Variants in CC2D2A observed in about 807,000 individuals in gnomAD.
The protein encoded by CC2D2A is coiled-coil and C2 domain-containing protein 2A.
In CC2D2A, 155 loss-of-function variants were observed where a neutral mutation model predicts 212.9. The ratio of observed to expected loss-of-function variants is 0.73; its 90% CI spans 0.64 to 0.83. The LOEUF (loss-of-function observed/expected upper bound fraction) is 0.83, where lower values mean the gene tolerates loss of function less well. Among genes scored for constraint, CC2D2A ranks in the 40% least tolerant of loss-of-function variants. The probability of loss-of-function intolerance (pLI) is 0.00; values close to 1 mark genes in which losing one functional copy is unlikely to be tolerated. For missense variants in CC2D2A, 1,856 were observed against 1,956.2 expected (o/e 0.95, Z 0.97); for synonymous variants, 667 against 686.5 (o/e 0.97, Z 0.44).
chr4:15,549,824 T>C (rs1560177463), intron 17 of CC2D2A, among the ~76,000 whole-genome samples: 2 of 152,088 alleles, frequency 1.3e-5, no homozygotes, highest in Non-Finnish European at 2.9e-5. Flanking sequence ...GTTCAGATCA[T>C]ATGCCCTGTA....
chr4:15,519,343 C>T, intron 11 of CC2D2A: 2 of 414,482 alleles, frequency 4.8e-6, no homozygotes, highest in Non-Finnish European at 9.4e-6. Flanking sequence ...ATTTCATTGT[C>T]CATATTATTA....
chr4:15,564,540 T>C (rs1719793289), intron 24 of CC2D2A, among the ~76,000 whole-genome samples: 1 of 152,212 alleles, frequency 6.6e-6, no homozygotes. Flanking sequence ...AAAGAGAGTA[T>C]AAGTGGCTTG....
At chr4:15,565,320 T>C (rs1293677219) in intron 24 of CC2D2A, among the ~76,000 whole-genome samples, 1 of 152,078 alleles carries the variant, frequency 6.6e-6, no homozygotes, top group African/African-American at 2.4e-5. Context: ...TGCAGATACA[T>C]CGAGACAGCT....
chr4:15,580,170 C>A lies in CC2D2A; in HGVS notation c.3974C>A (p.Ala1325Glu), dbSNP rs1253018429. The A allele has an allele frequency of 6.2e-7, 1 of 1,610,104 alleles. No individual in the cohort carries two copies. Among genetic ancestry groups the A allele is most frequent in the East Asian group, 2.2e-5 (1 of 44,842 alleles). ...NVYPNNLQAT[A>E]ELVARYVSLI... ...TACCCCAATAATCTACAGGCAACTGCAGTAAGTATTTCATAGTCAATAAGT... is the reference window on the plus strand; with the variant it reads ...TACCCCAATAATCTACAGGCAACTGAAGTAAGTATTTCATAGTCAATAAGT... Residue 1325 changes from alanine (A) to glutamate (E), a missense_variant and splice_region_variant, in exon 30 of 37, where the codon GCA becomes GAA. Coordinates refer to ENST00000424120, the MANE Select transcript of CC2D2A (RefSeq NM_001378615.1).
At chr4:15,560,474 G>A (rs1377624304) in intron 22 of CC2D2A, 57 bp from the exon 23 acceptor site, 4 of 867,452 alleles carry the variant, frequency 4.6e-6, no homozygotes, top group Non-Finnish European at 5.6e-6. Context: ...AGAGTGTGGA[G>A]AGTGAACTAC....
chr4:15,528,795 TC>T, intron 13 of CC2D2A, 69 bp downstream of exon 13: 1 of 1,116,198 alleles, frequency 9.0e-7, no homozygotes, highest in Non-Finnish European at 1.3e-6. Flanking sequence ...AGTTTATTTT[TC>T]CAGATACTTT....
chr4:15,596,939 T>C (rs369645908), intron 34 of CC2D2A, among the ~76,000 whole-genome samples: 20 of 152,146 alleles, frequency 1.3e-4, no homozygotes, highest in African/African-American at 4.8e-4. Context: ...CCACTAAATA[T>C]AAAGTTAAGG....
intron 29 of CC2D2A, among the ~76,000 whole-genome samples, chr4:15,574,596 C>T (rs532855172): frequency 5.9e-5 from 9 of 152,212 alleles, no homozygotes; most frequent in Non-Finnish European, 8.8e-5. Context: ...CAAAGCAAGA[C>T]AAATATAAAC....
At position 15,563,475 on chromosome 4, in the gene CC2D2A, G is replaced by A. The variant is rs371608031; in HGVS notation, c.3135G>A (p.Val1045=). ...NLSDGDIKLL[V]NIVRAYDIPV... ...CTGATGGAGACATAAAGCTGCTGGTGAACATTGTGCGAGCTTACGACATTC... is the reference window on the plus strand; with the variant it reads ...CTGATGGAGACATAAAGCTGCTGGTAAACATTGTGCGAGCTTACGACATTC... Residue 1045 remains valine (V), a synonymous_variant, in exon 24 of 37, where the codon GTG becomes GTA. Transcript: ENST00000424120. 345 of 1,612,340 alleles carry A rather than the reference G, an allele frequency of 2.1e-4. No individual in the cohort carries two copies. The highest frequency in any genetic ancestry group is 2.7e-4 in the Non-Finnish European group (318 of 1,179,334).
At chr4:15,533,851 C>T (rs1402970856) in intron 14 of CC2D2A, among the ~76,000 whole-genome samples, 1 of 152,134 alleles carries the variant, frequency 6.6e-6, no homozygotes, top group Admixed American at 6.5e-5. Flanking sequence ...CACTTCTGTA[C>T]TTTTGGCATT....
chr4:15,531,001 C>T (rs1717821140), intron 13 of CC2D2A, among the ~76,000 whole-genome samples: 1 of 152,216 alleles, frequency 6.6e-6, no homozygotes, highest in South Asian at 2.1e-4. Flanking sequence ...TACTTAACCT[C>T]TCTGTAGGGT....
chr4:15,583,960 AAAAAGAAAAG>A (rs139567085), intron 30 of CC2D2A, among the ~76,000 whole-genome samples: 12 of 149,678 alleles, frequency 8.0e-5, no homozygotes, highest in African/African-American at 2.9e-4. Flanking sequence ...CAAAAAAAAA[AAAAAGAAAAG>A]AAAAGAAAAT....
chr4:15,584,986 A>G (rs554665193), intron 30 of CC2D2A, among the ~76,000 whole-genome samples: 1 of 152,322 alleles, frequency 6.6e-6, no homozygotes, highest in East Asian at 1.9e-4. Context: ...CAGAAAGACA[A>G]AAAATGACAA....
intron 30 of CC2D2A, among the ~76,000 whole-genome samples, chr4:15,581,863 T>G (rs1475300856): frequency 6.6e-6 from 1 of 152,116 alleles, no homozygotes; most frequent in Non-Finnish European, 1.5e-5. Flanking sequence ...AAGAATGCCC[T>G]TCTAACTCAG....
chr4:15,491,669 T>C (rs1715310472), intron 4 of CC2D2A, among the ~76,000 whole-genome samples: 1 of 152,252 alleles, frequency 6.6e-6, no homozygotes, highest in African/African-American at 2.4e-5. Flanking sequence ...CCTCCCAAAG[T>C]GCTGGGATTG....
intron 20 of CC2D2A, among the ~76,000 whole-genome samples, chr4:15,556,843 A>G (rs938433462): frequency 4.6e-5 from 7 of 152,246 alleles, no homozygotes; most frequent in Admixed American, 3.3e-4. Flanking sequence ...GGTGCTATTC[A>G]GGGACAGGAA....
At chr4:15,509,494 G>C (rs150066435) in intron 6 of CC2D2A, among the ~76,000 whole-genome samples, 72 of 152,282 alleles carry the variant, frequency 4.7e-4, no homozygotes, top group Non-Finnish European at 9.8e-4. Context: ...GGCTGGTCTT[G>C]AACTCCTGAC....
At chr4:15,546,513 C>T (rs1718719966) in intron 17 of CC2D2A, among the ~76,000 whole-genome samples, 1 of 152,184 alleles carries the variant, frequency 6.6e-6, no homozygotes, top group South Asian at 2.1e-4. Flanking sequence ...GCTTTCTCTT[C>T]TCAGGGCCTT....
rs1323627048 is a variant in CC2D2A at position 15,601,324 on chromosome 4, G to A, written c.4762G>A (p.Val1588Ile). 6 of 1,610,492 alleles carry A rather than the reference G, an allele frequency of 3.7e-6. No individual in the cohort carries two copies. In the African/African-American group the frequency reaches 8.0e-5, roughly 22 times the overall value. Residue 1588 changes from valine (V) to isoleucine (I), a missense_variant, in exon 37 of 37, where the codon GTT (valine) becomes ATT (isoleucine). By Grantham distance (29) the Val-to-Ile change is conservative. Coordinates refer to ENST00000424120, the MANE Select transcript of CC2D2A (RefSeq NM_001378615.1). ...VYSTGVHNID[V>I]PNVEFALAVY... is the part of the protein sequence containing the mutation. ...TAGTACTGGAGTACATAATATTGAT[G>A]TTCCTAATGTTGAATTTGCTTTAGC... is the stretch of plus-strand genomic sequence containing the variant.
Sources: allele counts gnomAD v4.1 joint callset (sites outside exome capture counted in the v4.1 genomes callset), GRCh38; gene constraint gnomAD v4.1.1; transcripts MANE v1.5; gene names NCBI Gene and HGNC (gene_info 2026-07-23, HGNC 2026-07-21).